Variants in MAN1A1 observed in about 807,000 individuals in gnomAD.
The protein encoded by MAN1A1 is mannosyl-oligosaccharide 1,2-alpha-mannosidase IA.
MAN1A1 carries 29 observed loss-of-function variants against 70.8 expected under a neutral mutation model. The observed-to-expected ratio is 0.41, with a 90% CI of 0.31 to 0.56. The LOEUF (loss-of-function observed/expected upper bound fraction) is 0.56. Ranked by LOEUF, MAN1A1 falls within the 20% of genes least tolerant of loss-of-function variation. The probability of loss-of-function intolerance (pLI) is 0.29; values close to 1 mark genes in which losing one functional copy is unlikely to be tolerated. For synonymous variants in MAN1A1, 349 were observed against 330.1 expected, an observed-to-expected ratio of 1.06 and a Z score of -0.62; for missense variants, 747 against 841.3, an observed-to-expected ratio of 0.89 and a Z score of 1.39.
At chr6:119,319,046 G>C (rs1772930214) in intron 2 of MAN1A1, among the ~76,000 whole-genome samples, 1 of 152,142 alleles carries the variant, frequency 6.6e-6, no homozygotes. Context: ...AAAGTACTGA[G>C]ATATGGATTA....
At chr6:119,231,709 C>T (rs981562789) in intron 6 of MAN1A1, among the ~76,000 whole-genome samples, 1 of 152,114 alleles carries the variant, frequency 6.6e-6, no homozygotes, top group African/African-American at 2.4e-5. Flanking sequence ...TTCACTCTTA[C>T]CACTGAGGCT....
chr6:119,275,117 T>A (rs4945633), intron 5 of MAN1A1, among the ~76,000 whole-genome samples: 64,231 of 148,222 alleles, frequency 0.43, 13,981 homozygotes, highest in East Asian at 0.65. Flanking sequence ...TGCTAGTTCA[T>A]TTTTTTTTTT....
intron 5 of MAN1A1, among the ~76,000 whole-genome samples, chr6:119,252,563 G>A (rs1562211581): frequency 3.3e-5 from 5 of 152,154 alleles, no homozygotes; most frequent in Admixed American, 2.6e-4. Context: ...GGAGGTGGAG[G>A]CGGGTGGATC....
At position 119,240,654 on chromosome 6, in the gene MAN1A1, G is replaced by C. The variant is rs185558409; in HGVS notation, c.992+7606C>G. ...AGGCATCCTGAGGTTCAGGCATCCT[G>C]AGGTTCTTCAAATTCCTACCGCCTC... is the stretch of plus-strand genomic sequence containing the variant. On this transcript the variant is annotated intron_variant, in intron 6 of 12. Coordinates refer to ENST00000368468, the MANE Select transcript of MAN1A1 (RefSeq NM_005907.4). Among the ~76,000 whole-genome samples, 4 of 152,336 alleles carry C rather than the reference G, an allele frequency of 2.6e-5. No homozygotes were observed. The East Asian group carries it at 7.7e-4, about 29-fold the overall frequency.
chr6:119,328,746 T>G (rs951750645), intron 2 of MAN1A1, among the ~76,000 whole-genome samples: 3 of 152,292 alleles, frequency 2.0e-5, no homozygotes, highest in Admixed American at 2.0e-4. Flanking sequence ...GTGTTTAGAC[T>G]TCATCACATA....
chr6:119,286,826 T>C (rs936997546), intron 5 of MAN1A1, among the ~76,000 whole-genome samples: 1 of 152,122 alleles, frequency 6.6e-6, no homozygotes, highest in African/African-American at 2.4e-5. Flanking sequence ...CAAATCAGAT[T>C]ACATTTTTTC....
chr6:119,226,335 A>G (rs905144752), intron 6 of MAN1A1, among the ~76,000 whole-genome samples: 1 of 152,216 alleles, frequency 6.6e-6, no homozygotes, highest in African/African-American at 2.4e-5. Flanking sequence ...GACGCACAGC[A>G]GCCTGGGTGG....
intron 11 of MAN1A1, among the ~76,000 whole-genome samples, chr6:119,186,663 C>T (rs536945743): frequency 6.6e-6 from 1 of 152,302 alleles, no homozygotes; most frequent in East Asian, 1.9e-4. Flanking sequence ...CCTTCTTTTC[C>T]TGACATGGTT....
At chr6:119,302,973 C>A (rs117165145) in intron 3 of MAN1A1, among the ~76,000 whole-genome samples, 2,447 of 152,234 alleles carry the variant, frequency 0.016, 31 homozygotes, top group Middle Eastern at 0.068. Context: ...GCATTCAACA[C>A]CTTCTATCTT....
At chr6:119,313,272 A>G (rs184863463) in intron 2 of MAN1A1, among the ~76,000 whole-genome samples, 2 of 152,290 alleles carry the variant, frequency 1.3e-5, no homozygotes, top group Admixed American at 6.5e-5. Flanking sequence ...TGCAACAGGT[A>G]TCAAGATGCC....
At chr6:119,317,499 A>G (rs1772886078) in intron 2 of MAN1A1, among the ~76,000 whole-genome samples, 1 of 152,092 alleles carries the variant, frequency 6.6e-6, no homozygotes, top group African/African-American at 2.4e-5. Context: ...TAGCCATGTT[A>G]CTTCTTTCAC....
intron 5 of MAN1A1, among the ~76,000 whole-genome samples, chr6:119,288,962 T>C (rs997307283): frequency 6.6e-6 from 1 of 151,790 alleles, no homozygotes; most frequent in Admixed American, 6.6e-5. Flanking sequence ...TTGTAGCCAT[T>C]TGTTTACTAA....
At chr6:119,279,032 G>A (rs1008342321) in intron 5 of MAN1A1, among the ~76,000 whole-genome samples, 2 of 151,904 alleles carry the variant, frequency 1.3e-5, no homozygotes, top group African/African-American at 2.4e-5. Context: ...GACTAACACA[G>A]CCATGCAGAT....
chr6:119,327,130 T>C (rs1562243696), intron 2 of MAN1A1, among the ~76,000 whole-genome samples: 1 of 152,104 alleles, frequency 6.6e-6, no homozygotes, highest in Non-Finnish European at 1.5e-5. Flanking sequence ...GCAACCTGGA[T>C]TATCCAGGTG....
At chr6:119,296,827 T>C (rs1227247357) in intron 4 of MAN1A1, among the ~76,000 whole-genome samples, 2 of 152,116 alleles carry the variant, frequency 1.3e-5, no homozygotes, top group Non-Finnish European at 2.9e-5. Flanking sequence ...AATTACAGGG[T>C]GTTGCTAGTT....
chr6:119,241,928 GTA>G (rs1775016918), intron 6 of MAN1A1, among the ~76,000 whole-genome samples: 2 of 147,256 alleles, frequency 1.4e-5, no homozygotes, highest in African/African-American at 5.1e-5. Flanking sequence ...GTGTGTTTGT[GTA>G]TGTGTGTGTG....
At chr6:119,300,151 A>G (rs903475839) in intron 4 of MAN1A1, among the ~76,000 whole-genome samples, 1 of 152,164 alleles carries the variant, frequency 6.6e-6, no homozygotes, top group African/African-American at 2.4e-5. Context: ...GAAAAGACAG[A>G]TATCAGTCGG....
intron 6 of MAN1A1, among the ~76,000 whole-genome samples, chr6:119,216,169 T>C (rs1774195528): frequency 6.6e-6 from 1 of 152,170 alleles, no homozygotes; most frequent in Non-Finnish European, 1.5e-5. Flanking sequence ...TTCAATTTAT[T>C]CTAAGTGCAG....
At chr6:119,308,875 ATT>A (rs1772604695) in intron 2 of MAN1A1, among the ~76,000 whole-genome samples, 1 of 152,182 alleles carries the variant, frequency 6.6e-6, no homozygotes, top group African/African-American at 2.4e-5. Flanking sequence ...AGTTACGATA[ATT>A]TGTTTCAGCT....
Sources: allele counts gnomAD v4.1 joint callset (sites outside exome capture counted in the v4.1 genomes callset), GRCh38; gene constraint gnomAD v4.1.1; transcripts MANE v1.5; gene names NCBI Gene and HGNC (gene_info 2026-07-23, HGNC 2026-07-21).